The following PTPRD variants were observed in gnomAD, a reference collection of about 807,000 sequenced individuals.
PTPRD encodes the protein receptor-type tyrosine-protein phosphatase delta.
Under a neutral mutation model 214.5 loss-of-function variants are expected in PTPRD, and 34 were observed. The observed-to-expected ratio is 0.16, with a 90% CI of 0.12 to 0.21. The LOEUF (loss-of-function observed/expected upper bound fraction) is 0.21, where lower values mean the gene tolerates loss of function less well. Ranked by LOEUF, PTPRD falls within the 10% of genes least tolerant of loss-of-function variation. The pLI, the probability that PTPRD is intolerant of heterozygous loss-of-function variation, is 1.00. For synonymous variants in PTPRD, 1,128 were observed against 845.7 expected, an observed-to-expected ratio of 1.33 and a Z score of -5.79; for missense variants, 2,545 against 2,398.7, an observed-to-expected ratio of 1.06 and a Z score of -1.27.
chr9:9,562,309 C>A (rs969370883), intron 8 of PTPRD, among the ~76,000 whole-genome samples: 2 of 152,138 alleles, frequency 1.3e-5, no homozygotes, highest in African/African-American at 4.8e-5. Flanking sequence ...TATCTAAATT[C>A]TTTTCATTGC....
chr9:9,117,405 A>T (rs2099813438), intron 10 of PTPRD, among the ~76,000 whole-genome samples: 1 of 152,166 alleles, frequency 6.6e-6, no homozygotes, highest in Admixed American at 6.6e-5. Context: ...GTACTTAAGC[A>T]TAGGAAAGTG....
intron 3 of PTPRD, among the ~76,000 whole-genome samples, chr9:10,292,057 C>T (rs1374971153): frequency 6.6e-6 from 1 of 151,890 alleles, no homozygotes; most frequent in African/African-American, 2.4e-5. Flanking sequence ...TAATTTTGGT[C>T]CCTATATTAT....
rs546710540 is a variant in PTPRD at position 10,068,554 on chromosome 9, C to T, written c.-544-34764G>A. ...AGAAATAACATAGACTTTGAAGATGCGAGGTATACAATAGTGGGGACTGTG... is the reference window on the plus strand; with the variant it reads ...AGAAATAACATAGACTTTGAAGATGTGAGGTATACAATAGTGGGGACTGTG... On this transcript the variant is annotated intron_variant, in intron 3 of 45. Coordinates refer to ENST00000381196, the MANE Select transcript of PTPRD (RefSeq NM_002839.4). Among the ~76,000 whole-genome samples, 55 of 151,900 alleles carry T rather than the reference C, an allele frequency of 3.6e-4. 1 individual carries two copies. Among genetic ancestry groups the T allele is most frequent in the African/African-American group, 1.1e-3 (47 of 41,506 alleles).
At chr9:8,814,545 G>C (rs1367339598) in intron 11 of PTPRD, among the ~76,000 whole-genome samples, 3 of 152,138 alleles carry the variant, frequency 2.0e-5, no homozygotes, top group African/African-American at 7.2e-5. Context: ...ACATACCTGA[G>C]GCGGAAACCC....
chr9:9,713,896 T>C (rs1001589925), intron 7 of PTPRD, among the ~76,000 whole-genome samples: 7 of 152,056 alleles, frequency 4.6e-5, no homozygotes, highest in Admixed American at 3.3e-4. Context: ...TCCAAACTTA[T>C]GTTTCTACAG....
chr9:9,201,614 C>A (rs2099941897), intron 9 of PTPRD, among the ~76,000 whole-genome samples: 1 of 152,032 alleles, frequency 6.6e-6, no homozygotes, highest in Admixed American at 6.5e-5. Flanking sequence ...AAACATTGAA[C>A]TTTTCTAAGC....
chr9:10,155,701 A>C (rs2099088452), intron 3 of PTPRD, among the ~76,000 whole-genome samples: 1 of 152,206 alleles, frequency 6.6e-6, no homozygotes, highest in Admixed American at 6.6e-5. Context: ...TATTGAGATA[A>C]GTATGTGGTT....
At chr9:8,555,865 C>T (rs1036037752) in intron 14 of PTPRD, among the ~76,000 whole-genome samples, 1 of 152,146 alleles carries the variant, frequency 6.6e-6, no homozygotes, top group African/African-American at 2.4e-5. Flanking sequence ...TTCCACTGGA[C>T]CACGGGTCAA....
chr9:9,587,934 T>G (rs1418317700), intron 7 of PTPRD, among the ~76,000 whole-genome samples: 2 of 151,960 alleles, frequency 1.3e-5, no homozygotes, highest in Non-Finnish European at 2.9e-5. Flanking sequence ...TAATGTTGGT[T>G]AGCCGACTAA....
chr9:9,106,612 CAA>C (rs5896301), intron 10 of PTPRD, among the ~76,000 whole-genome samples: 49 of 71,646 alleles, frequency 6.8e-4, no homozygotes, highest in South Asian at 1.5e-3. Flanking sequence ...ATTCCATAGG[CAA>C]AAAAAAAAAA....
At chr9:10,210,290 G>C (rs1334361904) in intron 3 of PTPRD, among the ~76,000 whole-genome samples, 2 of 152,072 alleles carry the variant, frequency 1.3e-5, no homozygotes, top group African/African-American at 4.8e-5. Flanking sequence ...AAGCCATACA[G>C]AGGAGAGAAA....
rs956848808 is a variant in PTPRD, at chr9:8,314,929, T to C, written c.*2945A>G. On this transcript the variant is annotated 3_prime_UTR_variant, in exon 46 of 46. Coordinates refer to ENST00000381196, the MANE Select transcript of PTPRD (RefSeq NM_002839.4). ...GGCTGTCCTCGCCGTTTTCTAACCA[T>C]GCAAATCATTTTTAAAAAAGAGCTA... The C allele has an allele frequency of 1.3e-5, 3 of 232,310 alleles. No homozygotes were observed. The highest frequency in any genetic ancestry group is 2.2e-5 in the African/African-American group (1 of 45,266). The allele number at this position is 232,310 out of a possible 1,614,324, so 14.4% of individuals were successfully genotyped here.
Position 8,749,986 on chromosome 9 carries a change from C to T in PTPRD, c.-103-16040G>A, listed in dbSNP as rs183113374. 5.5e-4 allele frequency among the ~76,000 whole-genome samples: 84 copies of T among 151,812 alleles called. 2 individuals are homozygous for T. Among genetic ancestry groups the T allele is most frequent in the Admixed American group, 5.0e-3 (76 of 15,258 alleles). ...GCTGTGGTGGCGGTCGCCTGTAGTC[C>T]CAGCTCCTCGGGAAGCTGAGGCAGG... On this transcript the variant is annotated intron_variant, in intron 11 of 45. Transcript: ENST00000381196.
chr9:9,340,638 A>C (rs1356071299), intron 9 of PTPRD, among the ~76,000 whole-genome samples: 1 of 152,196 alleles, frequency 6.6e-6, no homozygotes, highest in Non-Finnish European at 1.5e-5. Flanking sequence ...ATCTGTTAGA[A>C]CTAAAGAGCT....
intron 34 of PTPRD, among the ~76,000 whole-genome samples, chr9:8,448,720 T>C (rs1377115410): frequency 1.3e-5 from 2 of 152,176 alleles, no homozygotes; most frequent in Non-Finnish European, 2.9e-5. Flanking sequence ...TACATCTACA[T>C]GTAAAAGAGA....
intron 11 of PTPRD, among the ~76,000 whole-genome samples, chr9:8,989,943 C>G (rs1589388884): frequency 6.6e-6 from 1 of 152,232 alleles, no homozygotes; most frequent in East Asian, 1.9e-4. Context: ...AATATTTACT[C>G]AGACAGTTCT....
chr9:10,479,024 A>T (rs1297215696), intron 2 of PTPRD, among the ~76,000 whole-genome samples: 3 of 152,186 alleles, frequency 2.0e-5, no homozygotes, highest in African/African-American at 4.8e-5. Context: ...AAAACTTTTC[A>T]AACATTACAC....
At chr9:9,702,313 CAA>C (rs1185792975) in intron 7 of PTPRD, among the ~76,000 whole-genome samples, 100 of 152,094 alleles carry the variant, frequency 6.6e-4, no homozygotes, top group African/African-American at 2.3e-3. Flanking sequence ...GAATTGGTAA[CAA>C]GAGAGGAATT....
At chr9:9,722,045 TTTC>T (rs1464922689) in intron 7 of PTPRD, among the ~76,000 whole-genome samples, 3 of 151,976 alleles carry the variant, frequency 2.0e-5, no homozygotes, top group African/African-American at 7.2e-5. Context: ...TTTATCCCAG[TTTC>T]TTTTTTTTCT....
Sources: gnomAD v4.1 joint callset for allele counts (sites outside exome capture counted in the v4.1 genomes callset) on GRCh38, gnomAD v4.1.1 for gene constraint, MANE v1.5 for transcripts, NCBI Gene and HGNC (gene_info 2026-07-23, HGNC 2026-07-21) for gene names.